Variants in ACAP2 observed in about 807,000 individuals in gnomAD.
ACAP2 encodes the protein arf-GAP with coiled-coil, ANK repeat and PH domain-containing protein 2.
ACAP2 carries 39 observed loss-of-function variants against 115.8 expected under a neutral mutation model. The ratio of observed to expected loss-of-function variants is 0.34; its 90% CI spans 0.26 to 0.44. ACAP2 has a LOEUF of 0.44. Among genes scored for constraint, ACAP2 ranks in the 20% least tolerant of loss-of-function variants. ACAP2 has a pLI of 1.00. For missense variants in ACAP2, 662 were observed against 927.6 expected (o/e 0.71, Z 3.72); for synonymous variants, 289 against 315.8 (o/e 0.92, Z 0.90).
Position 195,374,024 on chromosome 3 carries a change from G to T in ACAP2, c.285+6985C>A, listed in dbSNP as rs575932460. ...GTGCTAAAATCTGAATTCAAAAAAA[G>T]AATTATTAAAAGTAGGCAGAAGGGG... is the stretch of plus-strand genomic sequence containing the variant. On this transcript the variant is annotated intron_variant, in intron 4 of 22. Transcript: ENST00000326793. Among the ~76,000 whole-genome samples, 21 of 152,246 alleles carry T rather than the reference G, an allele frequency of 1.4e-4. No individual in the cohort carries two copies. The South Asian group carries it at 4.1e-3, about 30-fold the overall frequency.
Position 195,337,574 on chromosome 3 carries a change from G to A in ACAP2, c.529-598C>T, listed in dbSNP as rs533859819. On this transcript the variant is annotated intron_variant, in intron 6 of 22. Transcript: ENST00000326793. ...AGAAATTCTCCTGCCTCAGCCTCCC[G>A]AGTAGCTGGGATTACCGGCTTGTGC... 5.8e-4 allele frequency among the ~76,000 whole-genome samples: 87 copies of A among 150,896 alleles called. 1 individual carries two copies. The highest frequency in any genetic ancestry group is 1.9e-3 in the African/African-American group (77 of 41,046).
chr3:195,290,172 G>A (rs903202544), intron 20 of ACAP2, among the ~76,000 whole-genome samples: 1 of 152,098 alleles, frequency 6.6e-6, no homozygotes, highest in Non-Finnish European at 1.5e-5. Context: ...AGAAGTTCAA[G>A]ACCAGCCTGA....
intron 4 of ACAP2, among the ~76,000 whole-genome samples, chr3:195,356,588 G>A (rs1461001565): frequency 3.3e-5 from 5 of 152,108 alleles, no homozygotes; most frequent in African/African-American, 1.2e-4. Context: ...CCTTCTCCTT[G>A]AGAAGAGGAG....
intron 1 of ACAP2, among the ~76,000 whole-genome samples, chr3:195,413,384 A>G (rs1271331556): frequency 6.6e-6 from 1 of 152,182 alleles, no homozygotes; most frequent in East Asian, 1.9e-4. Context: ...ATTTCTGATA[A>G]AGAACTGTTA....
chr3:195,292,125 A>T, intron 19 of ACAP2, 140 bp downstream of exon 19: 1 of 1,037,140 alleles, frequency 9.6e-7, no homozygotes, highest in Non-Finnish European at 1.3e-6. Context: ...AGAAACCACT[A>T]CTATTAATAG....
Position 195,276,818 on chromosome 3 carries a change from T to TC in ACAP2, c.*2509dup, listed in dbSNP as rs970774224. 9 of 152,232 alleles carry TC rather than the reference T, an allele frequency of 5.9e-5. No individual in the cohort carries two copies. Among genetic ancestry groups the TC allele is most frequent in the African/African-American group, 2.2e-4 (9 of 41,454 alleles). 9.4% of individuals were successfully genotyped at this position (152,232 alleles called of 1,614,324 possible). A position where few individuals can be genotyped will look rare whatever the true frequency, so the allele number is the denominator to read the frequency against. ...TTTAATTTAAAGCCTTGCTGTTTAC[T>TC]CCATCATTTCTGCCAAATGTAGTCC... On this transcript the variant is annotated 3_prime_UTR_variant, in exon 23 of 23. Transcript: ENST00000326793.
chr3:195,292,942 A>G (rs1358161234), intron 18 of ACAP2, among the ~76,000 whole-genome samples: 3 of 150,522 alleles, frequency 2.0e-5, no homozygotes, highest in African/African-American at 7.3e-5. Flanking sequence ...AAAAAAAAAA[A>G]GTTAAGATGA....
chr3:195,419,605 G>A (rs1714010147), intron 1 of ACAP2: 1 of 152,132 alleles, frequency 6.6e-6, no homozygotes, highest in Non-Finnish European at 1.5e-5. Context: ...TGTCTTTGGT[G>A]TCATGCTTAG....
At chr3:195,353,479 T>C (rs921925091) in intron 4 of ACAP2, among the ~76,000 whole-genome samples, 1 of 152,188 alleles carries the variant, frequency 6.6e-6, no homozygotes, top group Non-Finnish European at 1.5e-5. Context: ...GCAATATAAT[T>C]GGACCTCAAA....
At chr3:195,428,327 GGTGT>G (rs1198340981) in intron 1 of ACAP2, among the ~76,000 whole-genome samples, 1 of 136,860 alleles carries the variant, frequency 7.3e-6, no homozygotes, top group Non-Finnish European at 1.5e-5. Flanking sequence ...CATATATATA[GGTGT>G]GTGTGTATAT....
chr3:195,398,581 G>A (rs192237877), intron 1 of ACAP2, among the ~76,000 whole-genome samples: 41 of 151,918 alleles, frequency 2.7e-4, no homozygotes, highest in African/African-American at 9.7e-4. Context: ...AGGTTGCGGT[G>A]AGCCAAGATC....
Position 195,292,258 on chromosome 3 carries a change from C to G in ACAP2, c.1953+7G>C. On this transcript the variant is annotated splice_region_variant and intron_variant, in intron 19 of 22. Coordinates refer to ENST00000326793, the MANE Select transcript of ACAP2 (RefSeq NM_012287.6). ...GCTACTGAAAATGTCATTGTATAAACGCATACCCCTAATACAGCCTGAATA... is the reference window on the plus strand; with the variant it reads ...GCTACTGAAAATGTCATTGTATAAAGGCATACCCCTAATACAGCCTGAATA... 1 of 1,569,860 alleles carries G rather than the reference C, an allele frequency of 6.4e-7. No individual in the cohort carries two copies. The highest frequency in any genetic ancestry group is 8.6e-7 in the Non-Finnish European group (1 of 1,165,878).
At chr3:195,429,978 T>A (rs985510506) in intron 1 of ACAP2, among the ~76,000 whole-genome samples, 3 of 152,190 alleles carry the variant, frequency 2.0e-5, no homozygotes, top group African/African-American at 4.8e-5. Context: ...GTCATTAATA[T>A]TATTCTGTTT....
In ACAP2 at chr3:195,278,288, T is replaced by C. The variant is rs1726264011; in HGVS notation, c.*1040A>G. 1 of 152,096 alleles carries C rather than the reference T, an allele frequency of 6.6e-6. No homozygotes were observed. Among genetic ancestry groups the C allele is most frequent in the South Asian group, 2.1e-4 (1 of 4,832 alleles). The allele number at this position is 152,096 out of a possible 1,614,324, so 9.4% of individuals were successfully genotyped here. A position where few individuals can be genotyped will look rare whatever the true frequency, so the allele number is the denominator to read the frequency against. On this transcript the variant is annotated 3_prime_UTR_variant, in exon 23 of 23. Coordinates refer to ENST00000326793, the MANE Select transcript of ACAP2 (RefSeq NM_012287.6). Reference sequence around the variant, plus strand: ...GTACACTGTGTACAAGTACACAAAATAGATGTAGAAAAAATAAACAGCAAT... The same window carrying C: ...GTACACTGTGTACAAGTACACAAAACAGATGTAGAAAAAATAAACAGCAAT...
chr3:195,307,159 A>C (rs577205324), intron 12 of ACAP2, 64 bp downstream of exon 12: 1 of 1,353,916 alleles, frequency 7.4e-7, no homozygotes, highest in African/African-American at 1.4e-5. Flanking sequence ...TCTACTCTGG[A>C]AAGTTATTTA....
At chr3:195,425,730 T>C (rs562824391) in intron 1 of ACAP2, among the ~76,000 whole-genome samples, 16 of 152,304 alleles carry the variant, frequency 1.1e-4, no homozygotes, top group Non-Finnish European at 2.2e-4. Context: ...TTCCTCTTTA[T>C]CAATAAACAG....
chr3:195,411,834 C>T lies in ACAP2; in HGVS notation c.54-19687G>A, dbSNP rs532452310. ...TCAAGGCAGGAAGATCTCTTGAAGG[C>T]AGGAGTTTGAGACTAGCCTGGACAA... On this transcript the variant is annotated intron_variant, in intron 1 of 22. Transcript: ENST00000326793. 1.5e-4 allele frequency among the ~76,000 whole-genome samples: 22 copies of T among 150,494 alleles called. No homozygotes were observed. In the East Asian group the frequency reaches 3.3e-3, roughly 23 times the overall value.
At chr3:195,372,697 CCTA>C (rs2108731346) in intron 4 of ACAP2, among the ~76,000 whole-genome samples, 1 of 152,096 alleles carries the variant, frequency 6.6e-6, no homozygotes, top group African/African-American at 2.4e-5. Flanking sequence ...CACCTGTAGT[CCTA>C]CTATTTGGAA....
intron 17 of ACAP2, chr3:195,295,407 T>A: frequency 2.1e-5 from 12 of 560,472 alleles, no homozygotes; most frequent in Middle Eastern, 3.0e-4. Context: ...AGGAAGGAAA[T>A]CAGGTAGTTA....
Sources: allele counts gnomAD v4.1 joint callset (sites outside exome capture counted in the v4.1 genomes callset), GRCh38; gene constraint gnomAD v4.1.1; transcripts MANE v1.5; gene names NCBI Gene and HGNC (gene_info 2026-07-23, HGNC 2026-07-21).